Variants in MBNL1 observed in about 807,000 individuals in gnomAD.
The protein encoded by MBNL1 is muscleblind like splicing regulator 1, also known as muscleblind-like protein 1.
A neutral mutation model predicts 42.2 loss-of-function variants in MBNL1; 8 were observed. The observed-to-expected ratio is 0.19, with a 90% confidence interval of 0.11 to 0.34. The LOEUF (loss-of-function observed/expected upper bound fraction) is 0.34, where lower values mean the gene tolerates loss of function less well. Ranked by LOEUF, MBNL1 falls within the 10% of genes least tolerant of loss-of-function variation. The pLI is 1.00. For missense variants in MBNL1, 309 were observed against 495.3 expected (o/e 0.62, Z 3.57); for synonymous variants, 169 against 173.9 (o/e 0.97, Z 0.22).
intron 3 of MBNL1, among the ~76,000 whole-genome samples, chr3:152,417,208 T>TTTGATGAGGG (rs57911304): frequency 0.13 from 19,175 of 152,122 alleles, 1,311 homozygotes; most frequent in Middle Eastern, 0.18. Context: ...TCAGCCCTGT[T>TTTGATGAGGG]TTGATGAGGG....
At chr3:152,294,221 A>T (rs1002806536) in intron 1 of MBNL1, among the ~76,000 whole-genome samples, 2 of 151,132 alleles carry the variant, frequency 1.3e-5, no homozygotes, top group African/African-American at 4.9e-5. Flanking sequence ...TTGGAATGTG[A>T]TCAGTAGGTT....
intron 2 of MBNL1, among the ~76,000 whole-genome samples, chr3:152,246,732 T>C (rs2033123971): frequency 6.6e-6 from 1 of 151,998 alleles, no homozygotes; most frequent in Admixed American, 6.6e-5. Flanking sequence ...CTGCTGTGTA[T>C]AGTATTGTAA....
At chr3:152,400,363 G>T (rs919785525) in intron 2 of MBNL1, among the ~76,000 whole-genome samples, 1 of 152,166 alleles carries the variant, frequency 6.6e-6, no homozygotes, top group Non-Finnish European at 1.5e-5. Context: ...TTAAAATTGA[G>T]TTATAAAAGC....
intron 2 of MBNL1, among the ~76,000 whole-genome samples, chr3:152,344,356 G>C (rs919065557): frequency 6.6e-5 from 10 of 152,130 alleles, no homozygotes; most frequent in Non-Finnish European, 1.2e-4. Context: ...ACTAATGGGA[G>C]ATGTAGCAAA....
At position 152,449,911 on chromosome 3, in the gene MBNL1, C is replaced by T. The variant is rs374699447; in HGVS notation, c.961+2138C>T. Among the ~76,000 whole-genome samples, 12 of 152,062 alleles carry T rather than the reference C, an allele frequency of 7.9e-5. No individual in the cohort carries two copies. In the East Asian group the frequency reaches 1.4e-3, roughly 17 times the overall value. ...CTTGAGGTCAGGAGTTTGAGGCCAG[C>T]GTGGCCAACATGGCGAAACCCCATC... On this transcript the variant is annotated intron_variant, in intron 6 of 9. Transcript: ENST00000324210.
At chr3:152,271,406 C>T (rs1253194272) in intron 1 of MBNL1, among the ~76,000 whole-genome samples, 1 of 152,118 alleles carries the variant, frequency 6.6e-6, no homozygotes, top group East Asian at 1.9e-4. Context: ...ATATAAAATG[C>T]CTTATCTTCA....
intron 5 of MBNL1, chr3:152,446,558 C>G (rs1052064660): frequency 1.6e-6 from 1 of 614,394 alleles, no homozygotes; most frequent in Admixed American, 2.8e-5. Flanking sequence ...TATGGCATTC[C>G]GATGATTTGT....
intron 2 of MBNL1, among the ~76,000 whole-genome samples, chr3:152,326,580 AT>A (rs1242160961): frequency 6.6e-6 from 1 of 151,970 alleles, no homozygotes; most frequent in Non-Finnish European, 1.5e-5. Context: ...ATTATCAAGA[AT>A]TTTTTTCATA....
chr3:152,325,973 G>C (rs2079767858), intron 2 of MBNL1, among the ~76,000 whole-genome samples: 1 of 151,942 alleles, frequency 6.6e-6, no homozygotes, highest in Non-Finnish European at 1.5e-5. Flanking sequence ...TGCCCTTTTT[G>C]TTACCTTTCA....
rs1326871528 is a variant in MBNL1 at position 152,463,426 on chromosome 3, A to G, written c.*1060A>G. The G allele has an allele frequency of 6.6e-6, 1 of 152,508 alleles. No homozygotes were observed. Among genetic ancestry groups the G allele is most frequent in the African/African-American group, 2.4e-5 (1 of 41,458 alleles). 9.4% of individuals were successfully genotyped at this position (152,508 alleles called of 1,614,324 possible). On this transcript the variant is annotated 3_prime_UTR_variant, in exon 10 of 10. Coordinates refer to ENST00000324210, the MANE Select transcript of MBNL1 (RefSeq NM_021038.5). Reference sequence around the variant, plus strand: ...TATTTATAGCCTCTGTCAAAAGTCAAAAGACTATAAATGCTTTGCAAAAAT... The same window carrying G: ...TATTTATAGCCTCTGTCAAAAGTCAGAAGACTATAAATGCTTTGCAAAAAT...
chr3:152,338,371 C>T (rs1013591977), intron 2 of MBNL1: 3 of 985,232 alleles, frequency 3.0e-6, no homozygotes, highest in African/African-American at 3.5e-5. Flanking sequence ...GTGATGGCTG[C>T]CTCTAAACCC....
intron 2 of MBNL1, among the ~76,000 whole-genome samples, chr3:152,375,546 C>A (rs1578995927): frequency 6.6e-6 from 1 of 152,172 alleles, no homozygotes; most frequent in East Asian, 1.9e-4. Flanking sequence ...GGCCAGAGTT[C>A]AAGACCAGCC....
chr3:152,358,266 G>A (rs1159570790), intron 2 of MBNL1, among the ~76,000 whole-genome samples: 2 of 152,030 alleles, frequency 1.3e-5, no homozygotes, highest in Non-Finnish European at 2.9e-5. Context: ...TTATAAATAT[G>A]TTATTATCTT....
chr3:152,270,725 TA>T (rs2040992627), intron 1 of MBNL1, among the ~76,000 whole-genome samples: 1 of 152,250 alleles, frequency 6.6e-6, no homozygotes, highest in Admixed American at 6.5e-5. Flanking sequence ...TGGTGACAAC[TA>T]AGGCTAAACT....
At chr3:152,415,474 A>AAATTGGTATGT (rs2098684184) in intron 3 of MBNL1, among the ~76,000 whole-genome samples, 2 of 152,192 alleles carry the variant, frequency 1.3e-5, no homozygotes, top group Admixed American at 1.3e-4. Context: ...ATGATATTTA[A>AAATTGGTATGT]AATTGGTATG....
rs184271843 is a variant in MBNL1 at position 152,360,736 on chromosome 3, A to G, written c.175-54205A>G. On this transcript the variant is annotated intron_variant, in intron 2 of 9. Transcript: ENST00000324210. ...ACCCAACAAAAATTATAATACTAGTATAATAAATACCATATACCATTCAAG... is the reference window on the plus strand; with the variant it reads ...ACCCAACAAAAATTATAATACTAGTGTAATAAATACCATATACCATTCAAG... Among the ~76,000 whole-genome samples the G allele has an allele frequency of 2.4e-3, 361 of 152,300 alleles. 1 individual carries two copies. The highest frequency in any genetic ancestry group is 8.3e-3 in the African/African-American group (343 of 41,562).
At chr3:152,451,850 A>G (rs1723749057) in intron 6 of MBNL1, among the ~76,000 whole-genome samples, 1 of 152,216 alleles carries the variant, frequency 6.6e-6, no homozygotes. Context: ...GAAGGTTGGC[A>G]TTAATATTTT....
Position 152,357,585 on chromosome 3 carries a change from A to T in MBNL1, c.174+57218A>T, listed in dbSNP as rs1324435617. ...GTTATTTCAGTAATGTGATAATTGGAGTTTTAAGGGTATGTGTGTGTGTTT... is the reference window on the plus strand; with the variant it reads ...GTTATTTCAGTAATGTGATAATTGGTGTTTTAAGGGTATGTGTGTGTGTTT... On this transcript the variant is annotated intron_variant, in intron 2 of 9. Transcript: ENST00000324210. Among the ~76,000 whole-genome samples the T allele has an allele frequency of 2.0e-5, 3 of 152,074 alleles. No homozygotes were observed. The East Asian group carries it at 5.8e-4, about 29-fold the overall frequency.
At chr3:152,376,805 CACACACACACAT>C (rs775384587) in intron 2 of MBNL1, among the ~76,000 whole-genome samples, 7 of 152,088 alleles carry the variant, frequency 4.6e-5, no homozygotes, top group Admixed American at 1.3e-4. Flanking sequence ...CGTGCATGCG[CACACACACACAT>C]ACACACACAC....
Sources: allele counts gnomAD v4.1 joint callset (sites outside exome capture counted in the v4.1 genomes callset), GRCh38; gene constraint gnomAD v4.1.1; transcripts MANE v1.5; gene names NCBI Gene and HGNC (gene_info 2026-07-23, HGNC 2026-07-21).